Variants in GREB1L observed in about 807,000 individuals in gnomAD.
GREB1L encodes GREB1-like protein.
A neutral mutation model predicts 200.8 loss-of-function variants in GREB1L; 17 were observed. That is an observed-to-expected ratio of 0.08 (90% confidence interval 0.06 to 0.13). The LOEUF is 0.13. Among genes scored for constraint, GREB1L ranks in the 10% least tolerant of loss-of-function variants. The probability of loss-of-function intolerance (pLI) is 1.00; values close to 1 mark genes in which losing one functional copy is unlikely to be tolerated. For missense variants in GREB1L, 1,657 were observed against 2,367.7 expected, an observed-to-expected ratio of 0.70 and a Z score of 6.23; for synonymous variants, 789 against 893.0, an observed-to-expected ratio of 0.88 and a Z score of 2.08.
intron 1 of GREB1L, among the ~76,000 whole-genome samples, chr18:21,310,624 C>T (rs2038775304): frequency 6.6e-6 from 1 of 152,076 alleles, no homozygotes; most frequent in African/African-American, 2.4e-5. Context: ...ACAGTTTTGA[C>T]TTTACCGACA....
intron 1 of GREB1L, among the ~76,000 whole-genome samples, chr18:21,292,339 A>G (rs2038462752): frequency 6.6e-6 from 1 of 152,222 alleles, no homozygotes; most frequent in African/African-American, 2.4e-5. Context: ...AAAGGCAGAA[A>G]TTTGGTTCTT....
chr18:21,326,254 CAAAA>C (rs748582649), intron 1 of GREB1L, among the ~76,000 whole-genome samples: 8 of 147,852 alleles, frequency 5.4e-5, no homozygotes, highest in Admixed American at 4.7e-4. Context: ...CATGCAAAAA[CAAAA>C]AAAAAGTTCA....
In GREB1L at chr18:21,500,117, C is replaced by T. The variant is rs559257103; in HGVS notation, c.3780C>T (p.Ala1260=). ...CCTCCTCCTCCCTGCTGCCCCACGCCGACGTGGCCTGGGTGAGCTCCCTGC... is the reference window on the plus strand; with the variant it reads ...CCTCCTCCTCCCTGCTGCCCCACGCTGACGTGGCCTGGGTGAGCTCCCTGC... ...LPSSSSLLPH[A]DVAWVSSLRP... The change falls in exon 22 of 33, where the codon GCC becomes GCT. Residue 1260 remains alanine (A), a synonymous_variant. Transcript: ENST00000424526. 59 of 1,551,714 alleles carry T rather than the reference C, an allele frequency of 3.8e-5. No homozygotes were observed. The South Asian group carries it at 6.2e-4, about 16-fold the overall frequency.
In GREB1L at chr18:21,449,620, G is replaced by T. The variant is rs1246476738; in HGVS notation, c.1504G>T (p.Val502Leu). Residue 502 changes from valine to leucine, a missense_variant, in exon 12 of 33, where the codon GTG becomes TTG. By Grantham distance (32) the Val-to-Leu change is conservative. Coordinates refer to ENST00000424526, the MANE Select transcript of GREB1L (RefSeq NM_001142966.3). Reference sequence around the variant, plus strand: ...GCAGATAGGTGCTCAGTGTGTCCCTGTGTCACCAGGACAACTCCCCTGGCT... The same window carrying T: ...GCAGATAGGTGCTCAGTGTGTCCCTTTGTCACCAGGACAACTCCCCTGGCT... ...ALQIGAQCVP[V>L]SPGQLPWLAR... 1.3e-6 allele frequency: 2 copies of T among 1,551,276 alleles called. No individual in the cohort carries two copies. The highest frequency in any genetic ancestry group is 1.4e-5 in the African/African-American group (1 of 73,028).
chr18:21,378,296 G>A (rs1351985325), intron 2 of GREB1L, among the ~76,000 whole-genome samples: 5 of 152,172 alleles, frequency 3.3e-5, no homozygotes, highest in African/African-American at 1.2e-4. Flanking sequence ...GTAGCATTGG[G>A]ATATCAAGGG....
At chr18:21,488,364 A>G (rs1029160897) in intron 18 of GREB1L, among the ~76,000 whole-genome samples, 1 of 152,174 alleles carries the variant, frequency 6.6e-6, no homozygotes, top group African/African-American at 2.4e-5. Context: ...GTTCTAAAAC[A>G]CCTCAAAAGT....
intron 1 of GREB1L, among the ~76,000 whole-genome samples, chr18:21,299,736 T>C (rs903794163): frequency 5.3e-5 from 8 of 152,202 alleles, no homozygotes; most frequent in African/African-American, 1.9e-4. Flanking sequence ...AATCTTGACA[T>C]GCTATTTTCA....
chr18:21,291,556 T>A (rs908770746), intron 1 of GREB1L, among the ~76,000 whole-genome samples: 1 of 152,210 alleles, frequency 6.6e-6, no homozygotes, highest in Non-Finnish European at 1.5e-5. Flanking sequence ...TTATCCTTTT[T>A]TATTCCTTTA....
chr18:21,492,271 G>A (rs1162833676), intron 19 of GREB1L, among the ~76,000 whole-genome samples: 12 of 151,688 alleles, frequency 7.9e-5, no homozygotes, highest in African/African-American at 2.4e-4. Flanking sequence ...GCGTGAACCC[G>A]GGAGGCGGAG....
rs2037490159 is a variant in GREB1L, at chr18:21,518,206, T to C, written c.5444T>C (p.Ile1815Thr). ...AACTTCAGGAGTCCTGTGCTGGCCA[T>C]TGACTGCTACCTTAACATTGGACCA... ...IHNFRSPVLA[I>T]DCYLNIGPEV... The change falls in exon 31 of 33, where the codon ATT (isoleucine) becomes ACT (threonine). Residue 1815 changes from isoleucine (I) to threonine (T), a missense_variant. Transcript: ENST00000424526. 3 of 1,551,550 alleles carry C rather than the reference T, an allele frequency of 1.9e-6. No individual in the cohort carries two copies. Among genetic ancestry groups the C allele is most frequent in the Non-Finnish European group, 2.6e-6 (3 of 1,146,990 alleles).
chr18:21,296,220 A>G (rs1276734050), intron 1 of GREB1L, among the ~76,000 whole-genome samples: 1 of 152,244 alleles, frequency 6.6e-6, no homozygotes, highest in African/African-American at 2.4e-5. Context: ...AAAATGTGGT[A>G]CATATACACC....
In GREB1L at chr18:21,279,484, T is replaced by C. The variant is rs145585362; in HGVS notation, c.-120+37091T>C. 5.3e-5 allele frequency among the ~76,000 whole-genome samples: 8 copies of C among 152,322 alleles called. No homozygotes were observed. In the East Asian group the frequency reaches 1.3e-3, roughly 26 times the overall value. On this transcript the variant is annotated intron_variant, in intron 1 of 32. Transcript: ENST00000424526. The stretch of plus-strand genomic sequence containing the variant: ...TTTCCTTAGGGTAGATTTTTGGAAG[T>C]AAAGTATTCAGTTGAAAGTTATACT...
chr18:21,347,078 G>A (rs1567945838), intron 1 of GREB1L, among the ~76,000 whole-genome samples: 1 of 151,802 alleles, frequency 6.6e-6, no homozygotes, highest in Non-Finnish European at 1.5e-5. Context: ...GTCTACCACC[G>A]ATCAGCCTGA....
chr18:21,348,599 AC>A (rs1265425230), intron 1 of GREB1L, among the ~76,000 whole-genome samples: 1 of 151,790 alleles, frequency 6.6e-6, no homozygotes, highest in African/African-American at 2.4e-5. Flanking sequence ...ACATGGTGAA[AC>A]CCTGTCTCTA....
Position 21,292,789 on chromosome 18 carries a change from A to G in GREB1L, c.-120+50396A>G, listed in dbSNP as rs556828489. Among the ~76,000 whole-genome samples the G allele has an allele frequency of 5.3e-5, 8 of 152,342 alleles. No individual in the cohort carries two copies. The South Asian group carries it at 1.5e-3, about 28-fold the overall frequency. On this transcript the variant is annotated intron_variant, in intron 1 of 32. Transcript: ENST00000424526. ...CTGCTATGGGAAATTTTATGGAGTG[A>G]AATGAATGCCATCGTAGACTAGGTT...
chr18:21,341,534 G>C (rs555894085), intron 1 of GREB1L, among the ~76,000 whole-genome samples: 24 of 152,258 alleles, frequency 1.6e-4, no homozygotes, highest in African/African-American at 4.6e-4. Flanking sequence ...ACCACACACA[G>C]ATAATTTTTT....
chr18:21,326,407 G>A (rs2039023385), intron 1 of GREB1L, among the ~76,000 whole-genome samples: 1 of 152,158 alleles, frequency 6.6e-6, no homozygotes, highest in African/African-American at 2.4e-5. Context: ...GGCAATCTAG[G>A]TCCAAGATGG....
Position 21,327,614 on chromosome 18 carries a change from TTTGAG to T in GREB1L, c.-119-38411_-119-38407del, listed in dbSNP as rs1223979290. 2.0e-4 allele frequency among the ~76,000 whole-genome samples: 31 copies of T among 152,068 alleles called. 1 individual carries two copies. Among genetic ancestry groups the T allele is most frequent in the Admixed American group, 1.8e-3 (28 of 15,276 alleles). On this transcript the variant is annotated intron_variant, in intron 1 of 32. Transcript: ENST00000424526. ...AAAGCACATTTGATCACACCATTCT[TTTGAG>T]TACAGTCTTCAAGGACTCCCTTTTA...
At position 21,263,172 on chromosome 18, in the gene GREB1L, C is replaced by T. The variant is rs549127806; in HGVS notation, c.-120+20779C>T. The stretch of plus-strand genomic sequence containing the variant: ...GCCCAGATTTGGCTGATTTCCTGTG[C>T]ACTGCCCTTTGTTTCAGCCAGACAA... On this transcript the variant is annotated intron_variant, in intron 1 of 32. Transcript: ENST00000424526. Among the ~76,000 whole-genome samples, 30 of 152,284 alleles carry T rather than the reference C, an allele frequency of 2.0e-4. 1 individual carries two copies. The South Asian group carries it at 3.9e-3, about 20-fold the overall frequency.
Sources: allele counts gnomAD v4.1 joint callset (sites outside exome capture counted in the v4.1 genomes callset), GRCh38; gene constraint gnomAD v4.1.1; transcripts MANE v1.5; gene names NCBI Gene and HGNC (gene_info 2026-07-23, HGNC 2026-07-21).